The following GRM7 variants were observed in gnomAD, a reference collection of about 807,000 sequenced individuals.
The protein encoded by GRM7 is metabotropic glutamate receptor 7.
Under a neutral mutation model 84.5 loss-of-function variants are expected in GRM7, and 35 were observed. The ratio of observed to expected loss-of-function variants is 0.41; its 90% CI spans 0.32 to 0.55. The LOEUF (loss-of-function observed/expected upper bound fraction) is 0.55, where lower values mean the gene tolerates loss of function less well. GRM7 is among the 20% of genes least tolerant of loss of function. GRM7 has a pLI of 0.19. For synonymous variants in GRM7, 487 were observed against 455.1 expected (o/e 1.07, Z -0.89); for missense variants, 1,003 against 1,194.6 (o/e 0.84, Z 2.36).
intron 5 of GRM7, among the ~76,000 whole-genome samples, chr3:7,440,771 G>A (rs1221703205): frequency 6.6e-6 from 1 of 152,078 alleles, no homozygotes; most frequent in Admixed American, 6.6e-5. Flanking sequence ...CTGTTTTAGT[G>A]TGCTTAGAAT....
intron 2 of GRM7, among the ~76,000 whole-genome samples, chr3:7,293,970 TTC>T (rs1699727672): frequency 1.3e-5 from 2 of 152,262 alleles, no homozygotes; most frequent in African/African-American, 4.8e-5. Context: ...TTATTTCTCT[TTC>T]TCTGTTTTCC....
chr3:6,991,174 T>G (rs1694622168), intron 1 of GRM7, among the ~76,000 whole-genome samples: 1 of 152,232 alleles, frequency 6.6e-6, no homozygotes, highest in African/African-American at 2.4e-5. Flanking sequence ...ACTTCTTCCC[T>G]GTCTGCTACT....
intron 4 of GRM7, among the ~76,000 whole-genome samples, chr3:7,334,191 C>A (rs1701314478): frequency 6.6e-6 from 1 of 152,062 alleles, no homozygotes; most frequent in African/African-American, 2.4e-5. Flanking sequence ...AGGAAAGCAT[C>A]TTAAGGACTG....
chr3:7,371,364 C>T (rs778202018), intron 4 of GRM7, among the ~76,000 whole-genome samples: 2 of 152,118 alleles, frequency 1.3e-5, no homozygotes, highest in African/African-American at 2.4e-5. Context: ...TATTTCACCT[C>T]TCAAATACCT....
At chr3:7,003,065 A>T (rs374167628) in intron 1 of GRM7, among the ~76,000 whole-genome samples, 14 of 152,156 alleles carry the variant, frequency 9.2e-5, no homozygotes, top group African/African-American at 3.4e-4. Flanking sequence ...CAGAGTAGAA[A>T]GTGTTAACAG....
intron 7 of GRM7, among the ~76,000 whole-genome samples, chr3:7,489,368 C>A (rs1364604588): frequency 1.3e-5 from 2 of 152,136 alleles, no homozygotes; most frequent in Non-Finnish European, 2.9e-5. Flanking sequence ...TCCACAGTAT[C>A]CTTGGGATAC....
intron 5 of GRM7, among the ~76,000 whole-genome samples, chr3:7,439,651 G>A (rs1387262434): frequency 6.6e-6 from 1 of 152,172 alleles, no homozygotes; most frequent in African/African-American, 2.4e-5. Flanking sequence ...TTTTGCACAG[G>A]GAGAAACAAA....
At chr3:7,017,586 A>G (rs547169461) in intron 1 of GRM7, among the ~76,000 whole-genome samples, 1 of 152,294 alleles carries the variant, frequency 6.6e-6, no homozygotes, top group African/African-American at 2.4e-5. Context: ...ATTTTCCCGA[A>G]TCCGATGTCG....
chr3:7,495,441 C>G (rs1466500915), intron 7 of GRM7, among the ~76,000 whole-genome samples: 1 of 152,070 alleles, frequency 6.6e-6, no homozygotes, highest in Non-Finnish European at 1.5e-5. Context: ...TGCTGGGCCC[C>G]TCACTCACCC....
intron 4 of GRM7, among the ~76,000 whole-genome samples, chr3:7,396,867 T>C (rs1695232436): frequency 1.3e-5 from 2 of 152,148 alleles, no homozygotes; most frequent in South Asian, 2.1e-4. Flanking sequence ...TTTCGTACCA[T>C]AAAATAGAAG....
intron 7 of GRM7, among the ~76,000 whole-genome samples, chr3:7,544,921 C>T (rs955372301): frequency 9.2e-5 from 14 of 152,292 alleles, no homozygotes; most frequent in African/African-American, 3.4e-4. Context: ...TCAATTTTTG[C>T]CCCCTTAGGG....
chr3:7,698,279 AAGTGGCAGCAGC>A (rs763080265), intron 9 of GRM7, among the ~76,000 whole-genome samples: 57 of 152,268 alleles, frequency 3.7e-4, no homozygotes, highest in Admixed American at 6.5e-4. Context: ...CAAATGCATA[AAGTGGCAGCAGC>A]AGTGGCAGCC....
chr3:7,501,491 A>G (rs906894869), intron 7 of GRM7, among the ~76,000 whole-genome samples: 89 of 152,216 alleles, frequency 5.8e-4, no homozygotes, highest in African/African-American at 2.0e-3. Flanking sequence ...GACAATAGCC[A>G]TCTGAGTTTG....
chr3:7,445,635 C>T (rs544219772), intron 5 of GRM7, among the ~76,000 whole-genome samples: 1 of 152,258 alleles, frequency 6.6e-6, no homozygotes, highest in South Asian at 2.1e-4. Flanking sequence ...TTTGCTTCTA[C>T]TGATAATTCT....
intron 1 of GRM7, among the ~76,000 whole-genome samples, chr3:7,111,102 A>G (rs1427002286): frequency 6.6e-6 from 1 of 152,142 alleles, no homozygotes; most frequent in Non-Finnish European, 1.5e-5. Context: ...AACAGGTGTC[A>G]GAGTTTAAAC....
chr3:7,469,767 G>A (rs1338876998), intron 7 of GRM7, among the ~76,000 whole-genome samples: 1 of 152,110 alleles, frequency 6.6e-6, no homozygotes, highest in Non-Finnish European at 1.5e-5. Flanking sequence ...CAGCATCTCT[G>A]AATCTGTGAT....
At chr3:7,262,929 TA>T (rs201667194) in intron 2 of GRM7, among the ~76,000 whole-genome samples, 152,271 of 152,276 alleles carry the variant, frequency 1, 76,133 homozygotes, top group Middle Eastern at 1. Flanking sequence ...AACTCCTGCC[TA>T]CAGGTGATCC....
At chr3:7,156,182 A>G (rs1177726689) in intron 2 of GRM7, among the ~76,000 whole-genome samples, 1 of 152,190 alleles carries the variant, frequency 6.6e-6, no homozygotes, top group African/African-American at 2.4e-5. Flanking sequence ...ATGAAACAAA[A>G]AGATCATGAG....
chr3:7,207,243 C>T (rs370322607), intron 2 of GRM7, among the ~76,000 whole-genome samples: 191 of 152,142 alleles, frequency 1.3e-3, no homozygotes, highest in African/African-American at 4.3e-3. Context: ...TGGCAATGCC[C>T]GAGGAGTTTG....
Sources: gnomAD v4.1 joint callset for allele counts (sites outside exome capture counted in the v4.1 genomes callset) on GRCh38, gnomAD v4.1.1 for gene constraint, MANE v1.5 for transcripts, NCBI Gene and HGNC (gene_info 2026-07-23, HGNC 2026-07-21) for gene names.